The following CD109 variants were observed in gnomAD, a reference collection of about 807,000 sequenced individuals.
CD109 encodes CD109 molecule, also known as CD109 antigen.
Under a neutral mutation model 165.8 loss-of-function variants are expected in CD109, and 149 were observed. That is an observed-to-expected ratio of 0.90 (90% confidence interval 0.79 to 1.03). The LOEUF (loss-of-function observed/expected upper bound fraction) is 1.03, where lower values mean the gene tolerates loss of function less well. Ranked by LOEUF, CD109 falls within the 50% of genes least tolerant of loss-of-function variation. The probability of loss-of-function intolerance (pLI) is 0.00; values close to 1 mark genes in which losing one functional copy is unlikely to be tolerated. For missense variants in CD109, 1,712 were observed against 1,677.8 expected (o/e 1.02, Z -0.36); for synonymous variants, 585 against 592.1 (o/e 0.99, Z 0.18).
At chr6:73,809,906 C>A (rs1775691623) in intron 26 of CD109, 78 bp from the exon 27 acceptor site, 1 of 1,096,696 alleles carries the variant, frequency 9.1e-7, no homozygotes, top group Non-Finnish European at 1.3e-6. Context: ...CAACTTGGAC[C>A]AGAGTAGGAA....
chr6:73,688,906 C>T, the CD109 span, among the ~76,000 whole-genome samples: 1 of 151,176 alleles, frequency 6.6e-6, no homozygotes, highest in South Asian at 2.1e-4. Flanking sequence ...GTAGCTGGGA[C>T]TACAGCCACG....
chr6:73,765,193 G>A (rs1773789195), intron 10 of CD109, among the ~76,000 whole-genome samples: 1 of 152,012 alleles, frequency 6.6e-6, no homozygotes, highest in African/African-American at 2.4e-5. Context: ...ATTTCGGGGT[G>A]CACTCAGGTA....
intron 30 of CD109, among the ~76,000 whole-genome samples, chr6:73,817,232 TAG>T: frequency 6.6e-6 from 1 of 152,268 alleles, no homozygotes; most frequent in East Asian, 1.9e-4. Flanking sequence ...CCAGGCTTGG[TAG>T]AGAGATCAGA....
At chr6:73,788,670 T>G in intron 22 of CD109, 58 bp downstream of exon 22, 3 of 1,449,670 alleles carry the variant, frequency 2.1e-6, no homozygotes. Context: ...ATATATGTTG[T>G]TCTTGTAATT....
intron 6 of CD109, 82 bp from the exon 7 acceptor site, chr6:73,758,862 T>C (rs918052591): frequency 1.4e-6 from 1 of 728,920 alleles, no homozygotes; most frequent in Non-Finnish European, 2.4e-6. Flanking sequence ...AAGATGATAG[T>C]GAAGTAGATT....
At chr6:73,736,882 T>C (rs1248159642) in intron 5 of CD109, among the ~76,000 whole-genome samples, 1 of 152,230 alleles carries the variant, frequency 6.6e-6, no homozygotes. Flanking sequence ...GTGATTAGAT[T>C]AACCTACTTT....
intron 7 of CD109, among the ~76,000 whole-genome samples, chr6:73,759,930 A>G (rs988052501): frequency 4.6e-5 from 7 of 151,634 alleles, no homozygotes; most frequent in African/African-American, 1.7e-4. Flanking sequence ...GGAATATGCT[A>G]TATTTTAAGA....
chr6:73,818,541 T>C lies in CD109; in HGVS notation c.4059+6T>C, dbSNP rs1776014215. 9 of 1,610,772 alleles carry C rather than the reference T, an allele frequency of 5.6e-6. No individual in the cohort carries two copies. Among genetic ancestry groups the C allele is most frequent in the Admixed American group, 1.7e-5 (1 of 59,358 alleles). The stretch of plus-strand genomic sequence containing the variant: ...TCAACCTCTATTTAGATTCTGTAAG[T>C]AGTAAAACATAAGGTAACTGTTGAC... On this transcript the variant is annotated splice_donor_region_variant and intron_variant, in intron 31 of 32. Coordinates refer to ENST00000287097, the MANE Select transcript of CD109 (RefSeq NM_133493.5).
chr6:73,810,683 G>A (rs1218158833), intron 27 of CD109, among the ~76,000 whole-genome samples: 2 of 151,862 alleles, frequency 1.3e-5, no homozygotes, highest in Non-Finnish European at 2.9e-5. Context: ...AAAAATCATT[G>A]TACAGAAATC....
At chr6:73,767,431 C>T (rs1042098226) in intron 13 of CD109, among the ~76,000 whole-genome samples, 31 of 152,192 alleles carry the variant, frequency 2.0e-4, no homozygotes, top group African/African-American at 7.2e-4. Context: ...TATATGTGCA[C>T]CACGTTTTCT....
chr6:73,812,640 A>C (rs1775793156), intron 29 of CD109, among the ~76,000 whole-genome samples: 1 of 152,098 alleles, frequency 6.6e-6, no homozygotes. Context: ...TGAGGGGAGG[A>C]ATTGTGTCCC....
intron 2 of CD109, among the ~76,000 whole-genome samples, chr6:73,707,789 A>G (rs1332628291): frequency 6.6e-6 from 1 of 151,950 alleles, no homozygotes; most frequent in Non-Finnish European, 1.5e-5. Flanking sequence ...TAATGATTTC[A>G]TGTTCAATGT....
At chr6:73,761,626 A>T (rs1477324266) in intron 7 of CD109, among the ~76,000 whole-genome samples, 1 of 152,092 alleles carries the variant, frequency 6.6e-6, no homozygotes, top group Non-Finnish European at 1.5e-5. Context: ...GGGTTCAAAC[A>T]GTTCTCTGCC....
intron 22 of CD109, among the ~76,000 whole-genome samples, chr6:73,790,181 G>A (rs557388400): frequency 6.5e-5 from 9 of 139,452 alleles, no homozygotes; most frequent in East Asian, 2.2e-4. Context: ...TGCAACCACC[G>A]CCTACTGGGT....
intron 25 of CD109, among the ~76,000 whole-genome samples, chr6:73,807,716 A>T (rs1051048930): frequency 6.6e-6 from 1 of 152,126 alleles, no homozygotes. Context: ...TAGAAGCTAA[A>T]CTTTTCCTGA....
intron 2 of CD109, among the ~76,000 whole-genome samples, chr6:73,709,404 C>G (rs2150154127): frequency 6.6e-6 from 1 of 152,254 alleles, no homozygotes; most frequent in East Asian, 1.9e-4. Context: ...GTTACTGTAG[C>G]CTCGTAGTAT....
In CD109 at chr6:73,802,305, A is replaced by ATATATT. The variant is rs1554183463; in HGVS notation, c.2879-914_2879-913insATATTT. ...TGTGTGTGTGTATATATATATATAT[A>ATATATT]TTTTTTTTTTTTTTTTTTTTTTTAG... On this transcript the variant is annotated intron_variant, in intron 23 of 32. Coordinates refer to ENST00000287097, the MANE Select transcript of CD109 (RefSeq NM_133493.5). Among the ~76,000 whole-genome samples the ATATATT allele has an allele frequency of 1.5e-3, 70 of 47,620 alleles. 2 individuals carry two copies. Among genetic ancestry groups the ATATATT allele is most frequent in the Non-Finnish European group, 2.2e-3 (52 of 24,106 alleles). 31.2% of individuals were successfully genotyped at this position (47,620 alleles called of 152,430 possible).
intron 3 of CD109, among the ~76,000 whole-genome samples, chr6:73,729,926 G>C (rs1392001245): frequency 1.3e-5 from 2 of 152,160 alleles, no homozygotes; most frequent in Non-Finnish European, 2.9e-5. Flanking sequence ...AAAACAGGTT[G>C]AGAGAATATA....
chr6:73,778,738 G>A (rs926854721), intron 15 of CD109, among the ~76,000 whole-genome samples: 13 of 151,916 alleles, frequency 8.6e-5, no homozygotes, highest in Admixed American at 7.2e-4. Flanking sequence ...GTTGTTGTTA[G>A]CATTGCAGAA....
Sources: gnomAD v4.1 joint callset for allele counts (sites outside exome capture counted in the v4.1 genomes callset) on GRCh38, gnomAD v4.1.1 for gene constraint, MANE v1.5 for transcripts, NCBI Gene and HGNC (gene_info 2026-07-23, HGNC 2026-07-21) for gene names.